The following ANKRD31 variants were observed in gnomAD, a reference collection of about 807,000 sequenced individuals.
ANKRD31 encodes the protein ankyrin repeat domain 31.
A neutral mutation model predicts 186.0 loss-of-function variants in ANKRD31; 147 were observed. That is an observed-to-expected ratio of 0.79 (90% CI 0.69 to 0.91). ANKRD31 has a LOEUF of 0.91. Among genes scored for constraint, ANKRD31 ranks in the 40% least tolerant of loss-of-function variants. ANKRD31 has a pLI of 0.00. For synonymous variants in ANKRD31, 673 were observed against 736.4 expected (o/e 0.91, Z 1.39); for missense variants, 1,986 against 2,148.8 (o/e 0.92, Z 1.50).
At chr5:75,192,419 G>A (rs542857074) in intron 9 of ANKRD31, among the ~76,000 whole-genome samples, 2 of 152,182 alleles carry the variant, frequency 1.3e-5, no homozygotes, top group Non-Finnish European at 2.9e-5. Flanking sequence ...AATTTAAAAA[G>A]AGGTCTGTAA....
intron 11 of ANKRD31, among the ~76,000 whole-genome samples, chr5:75,165,850 C>T (rs7711762): frequency 0.51 from 77,279 of 152,000 alleles, 22,697 homozygotes; most frequent in African/African-American, 0.82. Flanking sequence ...ACATAACAAA[C>T]ACATATGATG....
chr5:75,161,508 G>A (rs1484372735), intron 11 of ANKRD31, among the ~76,000 whole-genome samples: 1 of 152,196 alleles, frequency 6.6e-6, no homozygotes, highest in Non-Finnish European at 1.5e-5. Context: ...TTTGCAGCCT[G>A]ACAAGGCAAT....
At chr5:75,138,787 G>A (rs1750797629) in intron 16 of ANKRD31, 59 bp downstream of exon 16, 1 of 1,498,870 alleles carries the variant, frequency 6.7e-7, no homozygotes, top group Non-Finnish European at 8.9e-7. Context: ...AGGAGGTGTT[G>A]AAATGTGTAT....
chr5:75,168,986 T>C lies in ANKRD31; in HGVS notation c.1700A>G (p.His567Arg). ...TPLHDAVMNG[H>R]YKVAELLLLN... ...ATAAAAGCATCACAGTACCTTATAA[T>C]GTCCATTCATCACTGCATCATGTAG... Residue 567 changes from histidine to arginine, a missense_variant, in exon 11 of 26, where the codon CAT becomes CGT. Physicochemically the swap from His to Arg is conservative, Grantham distance 29. Coordinates refer to ENST00000506364, the MANE Select transcript of ANKRD31 (RefSeq NM_001372053.1). 6.5e-7 allele frequency: 1 copy of C among 1,535,570 alleles called. No homozygotes were observed. Among genetic ancestry groups the C allele is most frequent in the Middle Eastern group, 1.7e-4 (1 of 5,974 alleles).
chr5:75,117,903 T>C (rs1242205582), intron 18 of ANKRD31, among the ~76,000 whole-genome samples: 1 of 152,140 alleles, frequency 6.6e-6, no homozygotes, highest in Non-Finnish European at 1.5e-5. Flanking sequence ...GCTTGATGAA[T>C]GCTATAGGTT....
chr5:75,188,767 C>CA lies in ANKRD31; in HGVS notation c.1409-120dup, dbSNP rs1754908381. The CA allele has an allele frequency of 4.9e-6, 4 of 812,646 alleles. No individual in the cohort carries two copies. In the South Asian group the frequency reaches 7.7e-5, roughly 16 times the overall value. The allele number at this position is 812,646 out of a possible 1,614,324, so 50.3% of individuals were successfully genotyped here. On this transcript the variant is annotated intron_variant, in intron 9 of 25. Transcript: ENST00000506364. ...ACGAACATAGGTAACAGGATTAACT[C>CA]AGTCAATAGTGTAGAAGTGAAGTAT...
Position 75,140,265 on chromosome 5 carries a change from AGG to A in ANKRD31, c.3596-1284_3596-1283del, listed in dbSNP as rs762509606. Reference sequence around the variant, plus strand: ...AAGGAAGGAAGGAAGGAAGGAAGGAAGGAAAGAGAGAGAGAGAAAGAAAGGAA... The same window carrying A: ...AAGGAAGGAAGGAAGGAAGGAAGGAAAAAGAGAGAGAGAGAAAGAAAGGAA... On this transcript the variant is annotated intron_variant, in intron 15 of 25. Transcript: ENST00000506364. Among the ~76,000 whole-genome samples, 203 of 39,160 alleles carry A rather than the reference AGG, an allele frequency of 5.2e-3. 2 individuals carry two copies. Among genetic ancestry groups the A allele is most frequent in the African/African-American group, 0.05 (83 of 1,668 alleles). 25.7% of individuals were successfully genotyped at this position (39,160 alleles called of 152,430 possible). A position where few individuals can be genotyped will look rare whatever the true frequency, so the allele number is the denominator to read the frequency against.
chr5:75,224,794 A>C (rs765215156), intron 2 of ANKRD31, among the ~76,000 whole-genome samples: 3 of 152,144 alleles, frequency 2.0e-5, no homozygotes, highest in Non-Finnish European at 4.4e-5. Context: ...AGCTTTTACT[A>C]CACAAAAACT....
At chr5:75,187,155 G>C (rs1345511975) in intron 10 of ANKRD31, among the ~76,000 whole-genome samples, 2 of 117,822 alleles carry the variant, frequency 1.7e-5, no homozygotes, top group East Asian at 5.0e-4. Flanking sequence ...TGTGTTTTGG[G>C]AGGTGAAATG....
intron 4 of ANKRD31, among the ~76,000 whole-genome samples, chr5:75,210,543 C>T (rs1756555525): frequency 6.6e-6 from 1 of 152,138 alleles, no homozygotes; most frequent in Non-Finnish European, 1.5e-5. Context: ...TCCTTCATGC[C>T]ATGCTTTTAT....
At position 75,188,598 on chromosome 5, in the gene ANKRD31, T is replaced by A; in HGVS notation, c.1459A>T (p.Ile487Phe). The change falls in exon 10 of 26, where the codon ATT (isoleucine) becomes TTT (phenylalanine). Residue 487 changes from isoleucine (I) to phenylalanine (F), a missense_variant. Physicochemically the swap from Ile to Phe is conservative, Grantham distance 21 (BLOSUM62 0). Transcript: ENST00000506364. Reference sequence around the variant, plus strand: ...TTATATACTAAGTTCTCTCCAAAAATGTTTCTCCGGTTAATGCTATGAAGA... The same window carrying A: ...TTATATACTAAGTTCTCTCCAAAAAAGTTTCTCCGGTTAATGCTATGAAGA... The part of the protein sequence containing the change: ...ISLHSINRRN[I>F]FGENLVYKAA... 6.5e-7 allele frequency: 1 copy of A among 1,536,248 alleles called. No homozygotes were observed. Among genetic ancestry groups the A allele is most frequent in the Non-Finnish European group, 8.7e-7 (1 of 1,146,390 alleles).
At chr5:75,159,537 C>T (rs1271812724) in intron 11 of ANKRD31, among the ~76,000 whole-genome samples, 10 of 151,746 alleles carry the variant, frequency 6.6e-5, no homozygotes, top group Admixed American at 6.6e-4. Flanking sequence ...TAGTATCTCA[C>T]TTATTAGAAA....
intron 23 of ANKRD31, among the ~76,000 whole-genome samples, chr5:75,085,374 T>C (rs2150021147): frequency 6.6e-6 from 1 of 151,900 alleles, no homozygotes; most frequent in East Asian, 1.9e-4. Context: ...TCTTTTCTTT[T>C]AATTTTTTTT....
At position 75,147,265 on chromosome 5, in the gene ANKRD31, T is replaced by C. The variant is rs1357096366; in HGVS notation, c.2146A>G (p.Asn716Asp). The C allele has an allele frequency of 6.5e-7, 1 of 1,536,038 alleles. No individual in the cohort carries two copies. Among genetic ancestry groups the C allele is most frequent in the Non-Finnish European group, 8.7e-7 (1 of 1,146,262 alleles). The change falls in exon 14 of 26, where the codon AAC (asparagine) becomes GAC (aspartate). Residue 716 changes from asparagine to aspartate, a missense_variant. Transcript: ENST00000506364. Reference sequence around the variant, plus strand: ...ACGTTTGTGTTGGGATCTTTGACGTTATGGAGATTGCCCTTTCTGAGTCCT... The same window carrying C: ...ACGTTTGTGTTGGGATCTTTGACGTCATGGAGATTGCCCTTTCTGAGTCCT... ...STGLRKGNLH[N>D]VKDPNTNVPK... is the part of the protein sequence containing the mutation.
chr5:75,082,122 T>G (rs1237426394), intron 24 of ANKRD31, among the ~76,000 whole-genome samples: 2 of 152,234 alleles, frequency 1.3e-5, no homozygotes, highest in African/African-American at 4.8e-5. Context: ...TAATGTTATC[T>G]GTTTCCCAAA....
intron 22 of ANKRD31, among the ~76,000 whole-genome samples, chr5:75,101,648 A>C (rs1746890139): frequency 6.6e-6 from 1 of 151,372 alleles, no homozygotes. Flanking sequence ...TTTTCTCTAA[A>C]CTTCTCCTCT....
At chr5:75,217,800 G>A (rs1246020920) in intron 3 of ANKRD31, among the ~76,000 whole-genome samples, 2 of 152,082 alleles carry the variant, frequency 1.3e-5, no homozygotes, top group South Asian at 2.1e-4. Context: ...CTGTCATCAT[G>A]TTGTTAGCTG....
chr5:75,144,283 G>A, intron 14 of ANKRD31, 112 bp from the exon 15 acceptor site: 1 of 390,264 alleles, frequency 2.6e-6, no homozygotes, highest in Admixed American at 4.4e-5. Flanking sequence ...GACTGTTTAA[G>A]AAAATGGAAG....
rs908706217 is a variant in ANKRD31, at chr5:75,212,620, C to A, written c.289-1755G>T. On this transcript the variant is annotated intron_variant, in intron 3 of 25. Transcript: ENST00000506364. Reference sequence around the variant, plus strand: ...TGCACCCCAGCCTGGGTGACAGAGACCCCAACTCAAAACTGATTCTGCCTA... The same window carrying A: ...TGCACCCCAGCCTGGGTGACAGAGAACCCAACTCAAAACTGATTCTGCCTA... Among the ~76,000 whole-genome samples the A allele has an allele frequency of 2.6e-5, 4 of 152,076 alleles. No individual in the cohort carries two copies. In the South Asian group the frequency reaches 8.3e-4, roughly 32 times the overall value.
Sources: allele counts gnomAD v4.1 joint callset (sites outside exome capture counted in the v4.1 genomes callset), GRCh38; gene constraint gnomAD v4.1.1; transcripts MANE v1.5; gene names NCBI Gene and HGNC (gene_info 2026-07-23, HGNC 2026-07-21).